Variants in GNPDA2 observed in about 807,000 individuals in gnomAD.
The protein encoded by GNPDA2 is glcN6P deaminase 2.
GNPDA2 carries 24 observed loss-of-function variants against 27.0 expected under a neutral mutation model. The ratio of observed to expected loss-of-function variants is 0.89; its 90% CI spans 0.64 to 1.25. The LOEUF (loss-of-function observed/expected upper bound fraction) is 1.25, where lower values mean the gene tolerates loss of function less well. Among genes scored for constraint, GNPDA2 ranks in the 50% most tolerant of loss-of-function variants. GNPDA2 has a pLI of 0.00. For missense variants in GNPDA2, 286 were observed against 335.1 expected (o/e 0.85, Z 1.14); for synonymous variants, 94 against 108.4 (o/e 0.87, Z 0.83).
chr4:44,717,014 T>C (rs1717336432), intron 4 of GNPDA2, 99 bp downstream of exon 4: 2 of 725,554 alleles, frequency 2.8e-6, no homozygotes, highest in South Asian at 3.8e-5. Context: ...CAGCCACAGG[T>C]GCTCTTTACA....
chr4:44,722,463 C>T (rs1479980478), intron 1 of GNPDA2, among the ~76,000 whole-genome samples: 3 of 152,084 alleles, frequency 2.0e-5, no homozygotes, highest in African/African-American at 7.2e-5. Context: ...AGGCAGTGGG[C>T]TAGGTCATTT....
In GNPDA2 at chr4:44,718,879, T is replaced by C. The variant is rs1173155011; in HGVS notation, c.125-469A>G. ...AATAGAATCTCCAACTGGCAAACACTGAGTAGGGACTTTAGCCTTACAGCT... is the reference window on the plus strand; with the variant it reads ...AATAGAATCTCCAACTGGCAAACACCGAGTAGGGACTTTAGCCTTACAGCT... On this transcript the variant is annotated intron_variant, in intron 2 of 6. Coordinates refer to ENST00000295448, the MANE Select transcript of GNPDA2 (RefSeq NM_138335.3). Among the ~76,000 whole-genome samples the C allele has an allele frequency of 3.3e-5, 5 of 151,962 alleles. No individual in the cohort carries two copies. In the South Asian group the frequency reaches 6.2e-4, roughly 19 times the overall value.
intron 4 of GNPDA2, among the ~76,000 whole-genome samples, chr4:44,715,885 G>A (rs1188928156): frequency 6.6e-6 from 1 of 151,952 alleles, no homozygotes; most frequent in Admixed American, 6.6e-5. Flanking sequence ...GATGTCCCTA[G>A]AGGGAATTCG....
intron 6 of GNPDA2, 64 bp from the exon 7 acceptor site, chr4:44,703,206 GACA>G (rs1297097743): frequency 5.1e-6 from 8 of 1,554,326 alleles, no homozygotes; most frequent in Middle Eastern, 2.0e-4. Context: ...ATTTACTTTA[GACA>G]ACAAAGTATT....
intron 5 of GNPDA2, among the ~76,000 whole-genome samples, chr4:44,710,468 A>G (rs1423051291): frequency 2.6e-5 from 4 of 152,182 alleles, no homozygotes; most frequent in African/African-American, 9.7e-5. Flanking sequence ...CCATGCTTAA[A>G]TATGCCAAAT....
At chr4:44,720,841 A>C (rs1717618092) in intron 2 of GNPDA2, among the ~76,000 whole-genome samples, 1 of 152,062 alleles carries the variant, frequency 6.6e-6, no homozygotes, top group African/African-American at 2.4e-5. Flanking sequence ...ACACAAAAAG[A>C]TGTTTAGCAC....
chr4:44,704,690 T>C (rs766286050), intron 6 of GNPDA2: 17 of 963,768 alleles, frequency 1.8e-5, no homozygotes, highest in Non-Finnish European at 2.1e-5. Context: ...ACAGAAATAA[T>C]TCTTCTGATA....
chr4:44,704,201 G>C (rs776153596), intron 6 of GNPDA2: 14 of 982,410 alleles, frequency 1.4e-5, no homozygotes, highest in Non-Finnish European at 1.7e-5. Context: ...GAAGGGGGAA[G>C]CATTCCATTC....
At chr4:44,707,654 A>G (rs954846408) in intron 6 of GNPDA2, 98 bp downstream of exon 6, 14 of 1,019,254 alleles carry the variant, frequency 1.4e-5, no homozygotes, top group African/African-American at 4.8e-5. Context: ...CCACTTTTCA[A>G]TAGGTCACAG....
At position 44,717,308 on chromosome 4, in the gene GNPDA2, T is replaced by G. The variant is rs1323491486; in HGVS notation, c.227-13A>C. On this transcript the variant is annotated splice_polypyrimidine_tract_variant and intron_variant, in intron 3 of 6. Transcript: ENST00000295448. ...TTTCTTGGAAGTCCTAAAGATGAAG[T>G]TAATAAAAATATAAGTATTCCTGAA... is the stretch of plus-strand genomic sequence containing the variant. 24 of 1,363,350 alleles carry G rather than the reference T, an allele frequency of 1.8e-5. No homozygotes were observed. In the East Asian group the frequency reaches 5.5e-4, roughly 31 times the overall value. 84.5% of individuals were successfully genotyped at this position (1,363,350 alleles called of 1,614,324 possible). A position where few individuals can be genotyped will look rare whatever the true frequency, so the allele number is the denominator to read the frequency against.
chr4:44,715,887 G>C (rs1717253732), intron 4 of GNPDA2, among the ~76,000 whole-genome samples: 1 of 151,970 alleles, frequency 6.6e-6, no homozygotes, highest in Non-Finnish European at 1.5e-5. Context: ...TGTCCCTAGA[G>C]GGAATTCGGT....
rs1404519255 is a variant in GNPDA2 at position 44,711,020 on chromosome 4, C to T, written c.527G>A (p.Gly176Glu). ...CATAGTTGGCACTTTTGATAAATCT[C>T]CATCAAAATATTTGGCATTTGCCAA... ...TILANAKYFD[G>E]DLSKVPTMAL... Residue 176 changes from glycine (G) to glutamate (E), a missense_variant, in exon 5 of 7, where the codon GGA becomes GAA. By Grantham distance (98) the Gly-to-Glu change is moderately conservative (BLOSUM62 -2). Coordinates refer to ENST00000295448, the MANE Select transcript of GNPDA2 (RefSeq NM_138335.3). 1 of 1,613,354 alleles carries T rather than the reference C, an allele frequency of 6.2e-7. No individual in the cohort carries two copies. The highest frequency in any genetic ancestry group is 1.7e-5 in the Admixed American group (1 of 59,934).
At chr4:44,724,602 C>T (rs1289868916) in intron 1 of GNPDA2, among the ~76,000 whole-genome samples, 2 of 152,058 alleles carry the variant, frequency 1.3e-5, no homozygotes, top group Non-Finnish European at 2.9e-5. Context: ...GTCACCAATA[C>T]CAAGCTTTTT....
chr4:44,709,850 C>G (rs1001511239), intron 5 of GNPDA2, among the ~76,000 whole-genome samples: 14 of 150,636 alleles, frequency 9.3e-5, no homozygotes, highest in African/African-American at 3.4e-4. Context: ...TGGTGGTGTG[C>G]ACCTGAAGTC....
At chr4:44,708,612 G>GA (rs1482249234) in intron 5 of GNPDA2, among the ~76,000 whole-genome samples, 1 of 152,068 alleles carries the variant, frequency 6.6e-6, no homozygotes, top group East Asian at 1.9e-4. Context: ...ATAATGCAAT[G>GA]ACATGTTGCA....
intron 6 of GNPDA2, chr4:44,705,952 C>G (rs916847182): frequency 6.6e-6 from 1 of 151,880 alleles, no homozygotes; most frequent in Non-Finnish European, 1.5e-5. Flanking sequence ...TATTAAATAT[C>G]TTATTAAATA....
At chr4:44,714,619 T>C in intron 4 of GNPDA2, 1 of 984,726 alleles carries the variant, frequency 1.0e-6, no homozygotes, top group Non-Finnish European at 1.2e-6. Flanking sequence ...GATATTTTGA[T>C]CCCATTTGGC....
intron 2 of GNPDA2, among the ~76,000 whole-genome samples, chr4:44,721,056 G>GAA (rs11345999): frequency 6.9e-6 from 1 of 144,682 alleles, no homozygotes; most frequent in Non-Finnish European, 1.5e-5. Flanking sequence ...TGTGTCCAGT[G>GAA]AAAAAAAAAA....
rs182513813 is a variant in GNPDA2, at chr4:44,714,213, G to A, written c.409+2900C>T. On this transcript the variant is annotated intron_variant, in intron 4 of 6. Coordinates refer to ENST00000295448, the MANE Select transcript of GNPDA2 (RefSeq NM_138335.3). ...TGGTGTCGAACTCCCAACCTCAGGT[G>A]ATCTGCGCACCTCAGCCTCCCAAAG... 4.5e-4 allele frequency: 306 copies of A among 676,046 alleles called. 1 individual carries two copies. The African/African-American group carries it at 5.5e-3, about 12-fold the overall frequency. 41.9% of individuals were successfully genotyped at this position (676,046 alleles called of 1,614,324 possible).
Sources: gnomAD v4.1 joint callset for allele counts (sites outside exome capture counted in the v4.1 genomes callset) on GRCh38, gnomAD v4.1.1 for gene constraint, MANE v1.5 for transcripts, NCBI Gene and HGNC (gene_info 2026-07-23, HGNC 2026-07-21) for gene names.